The following MACF1 variants were observed in gnomAD, a reference collection of about 807,000 sequenced individuals.
The protein encoded by MACF1 is microtubule actin crosslinking factor 1.
Under a neutral mutation model 854.8 loss-of-function variants are expected in MACF1, and 193 were observed. The observed-to-expected ratio is 0.23, with a 90% CI of 0.20 to 0.25. The LOEUF (loss-of-function observed/expected upper bound fraction) is 0.25, where lower values mean the gene tolerates loss of function less well. Ranked by LOEUF, MACF1 falls within the 10% of genes least tolerant of loss-of-function variation. MACF1 has a pLI of 1.00. For missense variants in MACF1, 7,722 were observed against 8,929.1 expected (o/e 0.86, Z 5.45); for synonymous variants, 3,185 against 3,226.7 (o/e 0.99, Z 0.44).
intron 2 of MACF1, among the ~76,000 whole-genome samples, chr1:39,152,513 G>A (rs1557484961): frequency 1.3e-5 from 2 of 152,144 alleles, no homozygotes; most frequent in African/African-American, 4.8e-5. Flanking sequence ...TTAAACAGAT[G>A]TTGACACCCT....
chr1:39,332,831 G>A lies in MACF1; in HGVS notation c.6243G>A (p.Leu2081=). 1 of 1,614,134 alleles carries A rather than the reference G, an allele frequency of 6.2e-7. No homozygotes were observed. Among genetic ancestry groups the A allele is most frequent in the Non-Finnish European group, 8.5e-7 (1 of 1,180,008 alleles). The change falls in exon 37 of 101, where the codon CTG becomes CTA. Residue 2081 remains leucine (L), a synonymous_variant. Coordinates refer to ENST00000564288, the MANE Select transcript of MACF1 (RefSeq NM_001394062.1). The stretch of plus-strand genomic sequence containing the variant: ...CTGTAGAGAACCCTGAACAGGATCT[G>A]TTTGTAGAACAAAAAGAGAGAAATC... The part of the protein sequence containing the change: ...DSSVENPEQD[L]FVEQKERNPN...
At position 39,372,575 on chromosome 1, in the gene MACF1, C is replaced by T. The variant is rs1649341157; in HGVS notation, c.13192C>T (p.Pro4398Ser). The T allele has an allele frequency of 1.9e-6, 3 of 1,612,576 alleles. No homozygotes were observed. Among genetic ancestry groups the T allele is most frequent in the East Asian group, 4.5e-5 (2 of 44,840 alleles). The stretch of plus-strand genomic sequence containing the variant: ...AAATCTCATCATGGAAATCACAGCA[C>T]CTGATTCCCAAGGCAAGACAGGTGA... ...LENLIMEITA[P>S]DSQGKTGSIL... The change falls in exon 52 of 101, where the codon CCT becomes TCT. Residue 4398 changes from proline (P) to serine (S), a missense_variant. This residue lies in a region of MACF1 where 2,807 missense variants were observed against 3,235.8 expected (regional missense o/e 0.87). Coordinates refer to ENST00000564288, the MANE Select transcript of MACF1 (RefSeq NM_001394062.1).
At chr1:39,454,851 G>T in intron 88 of MACF1, 58 bp from the exon 89 acceptor site, 2 of 1,453,240 alleles carry the variant, frequency 1.4e-6, no homozygotes, top group Non-Finnish European at 1.9e-6. Context: ...AAAGGGCTTT[G>T]GAAACAAAGG....
chr1:39,243,372 T>A (rs1434994919), intron 2 of MACF1, among the ~76,000 whole-genome samples: 1 of 152,226 alleles, frequency 6.6e-6, no homozygotes, highest in Non-Finnish European at 1.5e-5. Flanking sequence ...TGATGATTCC[T>A]GAACAGTCTT....
rs139015549 is a variant in MACF1, at chr1:39,388,486, G to A, written c.15644G>A (p.Arg5215Lys). The A allele has an allele frequency of 1.8e-5, 29 of 1,614,050 alleles. No individual in the cohort carries two copies. The highest frequency in any genetic ancestry group is 3.3e-5 in the Admixed American group (2 of 60,004). The change falls in exon 58 of 101, where the codon AGG (arginine) becomes AAG (lysine). Residue 5215 changes from arginine to lysine, a missense_variant. By Grantham distance (26) the Arg-to-Lys change is conservative. Transcript: ENST00000564288. The part of the protein sequence containing the change: ...LNKQCGKLTE[R>K]GKARQEQLEL... Reference sequence around the variant, plus strand: ...AAACAGTGTGGCAAACTGACAGAGAGGGGGAAAGCTCGTCAGGAACAGCTG... The same window carrying A: ...AAACAGTGTGGCAAACTGACAGAGAAGGGGAAAGCTCGTCAGGAACAGCTG...
chr1:39,307,901 C>T (rs201441556), intron 23 of MACF1, among the ~76,000 whole-genome samples: 4 of 50,408 alleles, frequency 7.9e-5, no homozygotes, highest in African/African-American at 1.5e-4. Flanking sequence ...TTCTTTCTTT[C>T]TTTTTTTTTT....
intron 44 of MACF1, among the ~76,000 whole-genome samples, chr1:39,354,861 C>G (rs773686491): frequency 2.0e-5 from 3 of 152,160 alleles, no homozygotes; most frequent in Non-Finnish European, 2.9e-5. Context: ...CTGTTTATTT[C>G]TACTCATTTA....
At chr1:39,247,820 C>T (rs1359166061) in intron 2 of MACF1, among the ~76,000 whole-genome samples, 4 of 152,112 alleles carry the variant, frequency 2.6e-5, no homozygotes, top group East Asian at 1.9e-4. Context: ...ATCACAAGGT[C>T]GGGAGATTGA....
chr1:39,305,897 C>A (rs28643453), intron 23 of MACF1, among the ~76,000 whole-genome samples: 4,404 of 152,270 alleles, frequency 0.029, 205 homozygotes, highest in African/African-American at 0.1. Context: ...GGACCACCAT[C>A]CCCACTAACT....
chr1:39,271,530 G>A (rs1415243254), intron 6 of MACF1, among the ~76,000 whole-genome samples: 1 of 152,136 alleles, frequency 6.6e-6, no homozygotes, highest in Non-Finnish European at 1.5e-5. Flanking sequence ...ATTTGGTAGG[G>A]ACACAGATTG....
At chr1:39,141,830 G>A (rs1643352211) in intron 2 of MACF1, among the ~76,000 whole-genome samples, 1 of 152,132 alleles carries the variant, frequency 6.6e-6, no homozygotes, top group Non-Finnish European at 1.5e-5. Context: ...GAGACCAGGA[G>A]GAGGAAAGGT....
intron 99 of MACF1, among the ~76,000 whole-genome samples, chr1:39,484,037 C>T (rs1184915539): frequency 2.0e-5 from 3 of 152,180 alleles, no homozygotes; most frequent in African/African-American, 7.2e-5. Context: ...CCTGTAGTCC[C>T]AGCTACTTCG....
At chr1:39,181,197 T>C (rs1365983695) in intron 2 of MACF1, among the ~76,000 whole-genome samples, 4 of 152,214 alleles carry the variant, frequency 2.6e-5, no homozygotes, top group Non-Finnish European at 4.4e-5. Context: ...CGTGAGCCAC[T>C]GCGCTGGGCC....
intron 97 of MACF1, among the ~76,000 whole-genome samples, chr1:39,478,558 G>T (rs183209675): frequency 6.6e-6 from 1 of 152,242 alleles, no homozygotes; most frequent in Admixed American, 6.5e-5. Context: ...CTGATACTTT[G>T]ATATGTTCTG....
chr1:39,369,206 AACAAGGGAATATATG>A (rs1359650198), intron 50 of MACF1, among the ~76,000 whole-genome samples: 1 of 152,138 alleles, frequency 6.6e-6, no homozygotes, highest in Non-Finnish European at 1.5e-5. Context: ...TTTCAAGGCA[AACAAGGGAATATATG>A]ACAAGGCTGG....
chr1:39,221,139 A>C (rs957126791), intron 1 of MACF1, among the ~76,000 whole-genome samples: 2 of 152,194 alleles, frequency 1.3e-5, no homozygotes, highest in East Asian at 3.8e-4. Flanking sequence ...TGAGTCATGC[A>C]GGGGAGAGTG....
Position 39,410,449 on chromosome 1 carries a change from A to G in MACF1, c.15817-11925A>G, listed in dbSNP as rs752013322. ...GCTTAACCAGACTTCAAAAAGCACC[A>G]TGGAAAAGATGGAAGGAAGTACTAT... On this transcript the variant is annotated intron_variant, in intron 58 of 100. Transcript: ENST00000564288. 1.5e-5 allele frequency: 24 copies of G among 1,613,958 alleles called. 1 individual carries two copies. In the South Asian group the frequency reaches 2.1e-4, roughly 14 times the overall value.
chr1:39,174,858 C>T (rs1644003782), intron 2 of MACF1, among the ~76,000 whole-genome samples: 1 of 152,200 alleles, frequency 6.6e-6, no homozygotes, highest in South Asian at 2.1e-4. Context: ...GTCCCAGTGA[C>T]TCTACTACCA....
At chr1:39,202,359 G>A (rs186838249), upstream of MACF1, among the ~76,000 whole-genome samples, 149 of 151,218 alleles carry the variant, frequency 9.9e-4, 1 homozygote, top group African/African-American at 3.4e-3. Context: ...GGTGCTGGCC[G>A]GGCGCAGTGG....
Sources: allele counts gnomAD v4.1 joint callset (sites outside exome capture counted in the v4.1 genomes callset), GRCh38; gene constraint gnomAD v4.1.1; regional missense constraint gnomAD v4.1.1; transcripts MANE v1.5; gene names NCBI Gene and HGNC (gene_info 2026-07-23, HGNC 2026-07-21).